TGFA: variants seen among roughly 807,000 people sequenced by gnomAD.
TGFA encodes the protein protransforming growth factor alpha.
In TGFA, 12 loss-of-function variants were observed where a neutral mutation model predicts 21.7. That is an observed-to-expected ratio of 0.55 (90% confidence interval 0.35 to 0.90). The LOEUF (loss-of-function observed/expected upper bound fraction) is 0.90, where lower values mean the gene tolerates loss of function less well. Among genes scored for constraint, TGFA ranks in the 40% least tolerant of loss-of-function variants. The pLI, the probability that TGFA is intolerant of heterozygous loss-of-function variation, is 0.01. For synonymous variants in TGFA, 79 were observed against 88.1 expected (o/e 0.90, Z 0.58); for missense variants, 178 against 210.8 (o/e 0.84, Z 0.96).
At chr2:70,520,165 TGA>T (rs1672403613) in intron 1 of TGFA, among the ~76,000 whole-genome samples, 1 of 152,190 alleles carries the variant, frequency 6.6e-6, no homozygotes, top group South Asian at 2.1e-4. Context: ...TTCAGGATGA[TGA>T]GGAGGTGGTC....
intron 1 of TGFA, among the ~76,000 whole-genome samples, chr2:70,516,936 C>G (rs1672298333): frequency 6.6e-6 from 1 of 152,198 alleles, no homozygotes; most frequent in Admixed American, 6.5e-5. Context: ...TCAGGGTGAA[C>G]CCAGTCAGCA....
chr2:70,471,116 C>A lies in TGFA; in HGVS notation c.95-5380G>T, dbSNP rs1162976514. 1.1e-4 allele frequency among the ~76,000 whole-genome samples: 15 copies of A among 141,764 alleles called. No individual in the cohort carries two copies. The East Asian group carries it at 2.4e-3, about 23-fold the overall frequency. 93.0% of individuals were successfully genotyped at this position (141,764 alleles called of 152,430 possible). On this transcript the variant is annotated intron_variant, in intron 2 of 5. Coordinates refer to ENST00000295400, the MANE Select transcript of TGFA (RefSeq NM_003236.4). ...GTGCATTCTCCTCCCCGCACCCCCC[C>A]CACCATATAACCAAACTTCTTAAAA... is the stretch of plus-strand genomic sequence containing the variant.
intron 1 of TGFA, among the ~76,000 whole-genome samples, chr2:70,542,140 C>A (rs1296173135): frequency 6.6e-6 from 1 of 152,030 alleles, no homozygotes; most frequent in Non-Finnish European, 1.5e-5. Context: ...GCTCTGTCAA[C>A]CCCCCCAAAA....
At chr2:70,521,623 T>TTTG (rs1559133561) in intron 1 of TGFA, among the ~76,000 whole-genome samples, 7,132 of 132,692 alleles carry the variant, frequency 0.054, 714 homozygotes, top group African/African-American at 0.2. Context: ...GTTTGTTTTT[T>TTTG]TTTTTTTTTT....
intron 2 of TGFA, among the ~76,000 whole-genome samples, chr2:70,492,198 A>G (rs1409916546): frequency 6.6e-6 from 1 of 152,220 alleles, no homozygotes; most frequent in East Asian, 1.9e-4. Context: ...GGAAGGGAAG[A>G]AGAGAGAGCA....
chr2:70,503,413 G>A (rs1453214938), intron 2 of TGFA, among the ~76,000 whole-genome samples: 7 of 147,562 alleles, frequency 4.7e-5, no homozygotes, highest in Non-Finnish European at 9.0e-5. Flanking sequence ...ATCACACACC[G>A]GGGCCTGTTG....
intron 2 of TGFA, among the ~76,000 whole-genome samples, chr2:70,511,842 G>T (rs897021134): frequency 2.6e-4 from 39 of 151,548 alleles, no homozygotes; most frequent in Non-Finnish European, 4.6e-4. Context: ...GTGGATGAAG[G>T]TTTCTCTAAT....
chr2:70,464,236 C>A (rs1024083261), intron 3 of TGFA, among the ~76,000 whole-genome samples: 1 of 152,208 alleles, frequency 6.6e-6, no homozygotes, highest in Non-Finnish European at 1.5e-5. Flanking sequence ...TGGCTTGAGT[C>A]CAGGCCCTGC....
intron 2 of TGFA, among the ~76,000 whole-genome samples, chr2:70,468,072 T>C (rs185130393): frequency 1.3e-5 from 2 of 152,324 alleles, no homozygotes; most frequent in East Asian, 3.9e-4. Flanking sequence ...CAAGAGATTG[T>C]CTGGTATGAC....
At chr2:70,543,525 CAAA>C (rs10580951) in intron 1 of TGFA, among the ~76,000 whole-genome samples, 67 of 117,976 alleles carry the variant, frequency 5.7e-4, no homozygotes, top group East Asian at 1.2e-3. Flanking sequence ...GACTCTGTCT[CAAA>C]AAAAAAAAAA....
intron 1 of TGFA, among the ~76,000 whole-genome samples, chr2:70,534,498 C>A (rs1471045445): frequency 2.0e-5 from 3 of 152,096 alleles, no homozygotes; most frequent in Admixed American, 6.5e-5. Flanking sequence ...GACAGACTGC[C>A]TACATCAACA....
intron 1 of TGFA, among the ~76,000 whole-genome samples, chr2:70,525,825 G>T (rs1380661154): frequency 6.6e-6 from 1 of 152,148 alleles, no homozygotes; most frequent in Non-Finnish European, 1.5e-5. Flanking sequence ...GTGGTGGGAG[G>T]TGCTTTCTGA....
chr2:70,450,641 G>T lies in TGFA; in HGVS notation c.*218C>A. 2 of 555,630 alleles carry T rather than the reference G, an allele frequency of 3.6e-6. No individual in the cohort carries two copies. The highest frequency in any genetic ancestry group is 6.5e-6 in the Non-Finnish European group (2 of 306,034). 34.4% of individuals were successfully genotyped at this position (555,630 alleles called of 1,614,324 possible). On this transcript the variant is annotated 3_prime_UTR_variant, in exon 6 of 6. Coordinates refer to ENST00000295400, the MANE Select transcript of TGFA (RefSeq NM_003236.4). ...TTCTTTTTTAACAAGTCTTGAAATC[G>T]TGGTCCGCTGATTTCTTCTCTAGGT...
intron 2 of TGFA, among the ~76,000 whole-genome samples, chr2:70,489,605 AC>A (rs1671367754): frequency 6.6e-6 from 1 of 152,238 alleles, no homozygotes; most frequent in African/African-American, 2.4e-5. Context: ...AAAAATCCTC[AC>A]AGGAAAAGGA....
At chr2:70,550,166 C>G (rs960622235) in intron 1 of TGFA, among the ~76,000 whole-genome samples, 16 of 152,186 alleles carry the variant, frequency 1.1e-4, no homozygotes, top group African/African-American at 3.9e-4. Context: ...TTCTTTAGGT[C>G]CACATTCGGT....
intron 2 of TGFA, among the ~76,000 whole-genome samples, chr2:70,479,681 G>GA (rs1671052256): frequency 6.6e-6 from 1 of 151,008 alleles, no homozygotes; most frequent in South Asian, 2.1e-4. Flanking sequence ...CTGAGTTCTG[G>GA]GAGAAATTTT....
chr2:70,509,069 TTAAAG>T (rs782083345), intron 2 of TGFA, among the ~76,000 whole-genome samples: 2 of 152,226 alleles, frequency 1.3e-5, no homozygotes, highest in Non-Finnish European at 2.9e-5. Context: ...TAAGCATTCT[TTAAAG>T]TAAACACAAA....
intron 2 of TGFA, among the ~76,000 whole-genome samples, chr2:70,514,421 C>T (rs1391083733): frequency 3.6e-5 from 5 of 137,092 alleles, no homozygotes; most frequent in Non-Finnish European, 7.6e-5. Context: ...AAAAAAATAC[C>T]GATTTTTTTT....
chr2:70,522,986 C>T (rs1672520383), intron 1 of TGFA, among the ~76,000 whole-genome samples: 1 of 152,168 alleles, frequency 6.6e-6, no homozygotes, highest in South Asian at 2.1e-4. Context: ...TACCATTGTT[C>T]AGTTGGGTGG....
Sources: allele counts gnomAD v4.1 joint callset (sites outside exome capture counted in the v4.1 genomes callset), GRCh38; gene constraint gnomAD v4.1.1; transcripts MANE v1.5; gene names NCBI Gene and HGNC (gene_info 2026-07-23, HGNC 2026-07-21).